The following MITF variants were observed in gnomAD, a reference collection of about 807,000 sequenced individuals.
The protein encoded by MITF is melanocyte inducing transcription factor.
MITF carries 17 observed loss-of-function variants against 60.5 expected under a neutral mutation model. The observed-to-expected ratio is 0.28, with a 90% confidence interval of 0.19 to 0.42. The LOEUF is 0.42. MITF is among the 10% of genes least tolerant of loss of function. MITF has a pLI of 1.00. For synonymous variants in MITF, 260 were observed against 248.5 expected (o/e 1.05, Z -0.43); for missense variants, 622 against 683.5 (o/e 0.91, Z 1.00).
intron 1 of MITF, among the ~76,000 whole-genome samples, chr3:69,822,225 C>T (rs993572577): frequency 6.6e-6 from 1 of 152,118 alleles, no homozygotes; most frequent in African/African-American, 2.4e-5. Context: ...TCCCCCCAGC[C>T]GTTTAATGTT....
chr3:69,843,943 T>TC (rs1258975513), intron 1 of MITF, among the ~76,000 whole-genome samples: 1 of 152,158 alleles, frequency 6.6e-6, no homozygotes, highest in East Asian at 1.9e-4. Context: ...CCTCGCTGTG[T>TC]CCATGTGTTC....
At chr3:69,876,683 G>A (rs138886907) in intron 1 of MITF, among the ~76,000 whole-genome samples, 4 of 152,266 alleles carry the variant, frequency 2.6e-5, no homozygotes, top group African/African-American at 9.6e-5. Flanking sequence ...GAAAATGTAG[G>A]AAAACATGAA....
intron 1 of MITF, chr3:69,763,715 T>C (rs2106810248): frequency 2.3e-6 from 3 of 1,330,008 alleles, no homozygotes; most frequent in East Asian, 7.2e-5. Flanking sequence ...AGCTCTCTTC[T>C]GTAGCTTGTT....
At chr3:69,758,475 A>T (rs2062163620) in intron 1 of MITF, among the ~76,000 whole-genome samples, 1 of 152,156 alleles carries the variant, frequency 6.6e-6, no homozygotes, top group African/African-American at 2.4e-5. Context: ...CCAGCCTGGA[A>T]ATATATTTTA....
intron 1 of MITF, among the ~76,000 whole-genome samples, chr3:69,759,721 T>C (rs925312513): frequency 6.6e-6 from 1 of 152,180 alleles, no homozygotes; most frequent in Non-Finnish European, 1.5e-5. Flanking sequence ...CACTATCTGC[T>C]CAGATGTTGT....
intron 2 of MITF, among the ~76,000 whole-genome samples, chr3:69,920,988 C>A (rs1038118825): frequency 6.6e-6 from 1 of 152,176 alleles, no homozygotes; most frequent in African/African-American, 2.4e-5. Context: ...CTGCCTCAGC[C>A]TCCCAAGTAG....
chr3:69,913,704 G>A (rs528302454), intron 2 of MITF, among the ~76,000 whole-genome samples: 1 of 152,242 alleles, frequency 6.6e-6, no homozygotes, highest in African/African-American at 2.4e-5. Context: ...GTAGTTCCCT[G>A]GTTGCATGGG....
At chr3:69,814,427 C>T (rs2063149047) in intron 1 of MITF, among the ~76,000 whole-genome samples, 1 of 152,136 alleles carries the variant, frequency 6.6e-6, no homozygotes, top group Non-Finnish European at 1.5e-5. Context: ...TTCCCAGGCT[C>T]AAGCGATCCT....
At chr3:69,951,953 CA>C in intron 7 of MITF, 67 bp downstream of exon 7, 1 of 1,246,298 alleles carries the variant, frequency 8.0e-7, no homozygotes, top group Non-Finnish European at 1.2e-6. Context: ...AAAATGTTTC[CA>C]GAAATTCTGT....
intron 2 of MITF, among the ~76,000 whole-genome samples, chr3:69,919,421 TAATAA>T (rs1217550474): frequency 6.6e-6 from 1 of 152,206 alleles, no homozygotes; most frequent in East Asian, 1.9e-4. Context: ...GGGAGGCAAA[TAATAA>T]AATAAAACGA....
intron 1 of MITF, among the ~76,000 whole-genome samples, chr3:69,791,479 A>G (rs113760100): frequency 6.6e-6 from 1 of 152,166 alleles, no homozygotes; most frequent in African/African-American, 2.4e-5. Flanking sequence ...AGCAAAAACA[A>G]CCATGTTTTG....
chr3:69,853,476 A>G (rs548499828), intron 1 of MITF, among the ~76,000 whole-genome samples: 12 of 152,184 alleles, frequency 7.9e-5, no homozygotes, highest in Admixed American at 3.9e-4. Context: ...TAAATATATC[A>G]TACATATAGA....
intron 2 of MITF, among the ~76,000 whole-genome samples, chr3:69,919,824 T>TG (rs2065421647): frequency 6.6e-6 from 1 of 151,832 alleles, no homozygotes; most frequent in Admixed American, 6.6e-5. Context: ...GGGGTTTTTT[T>TG]TTGTTGCTGT....
At chr3:69,909,458 G>C (rs2065175470) in intron 2 of MITF, among the ~76,000 whole-genome samples, 1 of 152,178 alleles carries the variant, frequency 6.6e-6, no homozygotes, top group South Asian at 2.1e-4. Flanking sequence ...AAGCGACTTT[G>C]GAATTGTGTA....
intron 4 of MITF, among the ~76,000 whole-genome samples, chr3:69,940,812 T>A (rs1439987665): frequency 6.6e-6 from 1 of 152,220 alleles, no homozygotes; most frequent in African/African-American, 2.4e-5. Flanking sequence ...GCAGGCAGTT[T>A]AGCATAGTTG....
intron 1 of MITF, among the ~76,000 whole-genome samples, chr3:69,784,929 C>A (rs1441833840): frequency 6.6e-6 from 1 of 152,166 alleles, no homozygotes; most frequent in Non-Finnish European, 1.5e-5. Flanking sequence ...TCTCAAGGGT[C>A]CTGTGTCCCA....
chr3:69,909,758 A>G (rs1347589826), intron 2 of MITF, among the ~76,000 whole-genome samples: 1 of 152,222 alleles, frequency 6.6e-6, no homozygotes, highest in African/African-American at 2.4e-5. Flanking sequence ...TATCTGGCGG[A>G]AGAAATTTCT....
In MITF at chr3:69,908,805, A is replaced by T. The variant is rs1297230092; in HGVS notation, c.355-29017A>T. 2.6e-5 allele frequency among the ~76,000 whole-genome samples: 4 copies of T among 152,148 alleles called. No individual in the cohort carries two copies. The East Asian group carries it at 7.7e-4, about 29-fold the overall frequency. On this transcript the variant is annotated intron_variant, in intron 2 of 9. Transcript: ENST00000352241. ...AGAAAGGAATAAGTGACAATCTGAG[A>T]ATATTTGTCCCTACGTGAGCTAACA...
intron 1 of MITF, among the ~76,000 whole-genome samples, chr3:69,845,171 T>C (rs1405717356): frequency 1.3e-5 from 2 of 152,146 alleles, no homozygotes; most frequent in Non-Finnish European, 2.9e-5. Flanking sequence ...ATATTAATTT[T>C]CCATCATTGG....
Sources: allele counts gnomAD v4.1 joint callset (sites outside exome capture counted in the v4.1 genomes callset), GRCh38; gene constraint gnomAD v4.1.1; transcripts MANE v1.5; gene names NCBI Gene and HGNC (gene_info 2026-07-23, HGNC 2026-07-21).